Variants in GTPBP1 observed in about 807,000 individuals in gnomAD.
GTPBP1 encodes GTP binding protein 1, also known as GTP-binding protein 1.
GTPBP1 carries 23 observed loss-of-function variants against 62.0 expected under a neutral mutation model. The observed-to-expected ratio is 0.37, with a 90% CI of 0.27 to 0.53. The LOEUF (loss-of-function observed/expected upper bound fraction) is 0.53, where lower values mean the gene tolerates loss of function less well. GTPBP1 is among the 20% of genes least tolerant of loss of function. GTPBP1 has a pLI of 0.89. For synonymous variants in GTPBP1, 344 were observed against 364.4 expected (o/e 0.94, Z 0.64); for missense variants, 640 against 917.3 (o/e 0.70, Z 3.90).
At chr22:38,740,874 A>G, downstream of GTPBP1, 2 of 1,049,462 alleles carry the variant, frequency 1.9e-6, no homozygotes, top group Non-Finnish European at 2.8e-6. This position sits in a 1 kb window ranked among gnomAD's most constrained non-coding sequence, Gnocchi z 4.8. Flanking sequence ...GCTGGGTTTC[A>G]ACCCCTCCCC....
Position 38,730,828 on chromosome 22 carries a change from G to C in GTPBP1, c.*124G>C. ...CGCTCAGGCCACAGCCGGAGCCTCC[G>C]CATTGCCCCCACCCCCATTTTCCAG... is the stretch of plus-strand genomic sequence containing the variant. On this transcript the variant is annotated 3_prime_UTR_variant, in exon 12 of 12. Coordinates refer to ENST00000216044, the MANE Select transcript of GTPBP1 (RefSeq NM_004286.5). This position sits in a 1 kb window ranked among gnomAD's most constrained non-coding sequence, Gnocchi z 5.6. 1.7e-6 allele frequency: 1 copy of C among 581,764 alleles called. No individual in the cohort carries two copies. The highest frequency in any genetic ancestry group is 3.0e-6 in the Non-Finnish European group (1 of 335,468). The allele number at this position is 581,764 out of a possible 1,614,324, so 36.0% of individuals were successfully genotyped here. A position where few individuals can be genotyped will look rare whatever the true frequency, so the allele number is the denominator to read the frequency against.
downstream of GTPBP1, chr22:38,736,547 G>T: frequency 1.9e-6 from 1 of 527,468 alleles, no homozygotes; most frequent in East Asian, 3.2e-5. Context: ...TTAGCCTCCT[G>T]AGCAGTGTTT....
chr22:38,722,970 A>G (rs2092708639), intron 5 of GTPBP1: 3 of 879,160 alleles, frequency 3.4e-6, no homozygotes, highest in Non-Finnish European at 3.9e-6. Flanking sequence ...TCTTAGTGCA[A>G]GACCAGAACC....
At chr22:38,707,776 T>TA (rs1174040992) in intron 1 of GTPBP1, among the ~76,000 whole-genome samples, 9 of 151,928 alleles carry the variant, frequency 5.9e-5, no homozygotes, top group Admixed American at 5.2e-4. Context: ...TCCTTACAAT[T>TA]AAAAAAAATC....
Position 38,731,336 on chromosome 22 carries a change from C to G in GTPBP1, c.*632C>G, listed in dbSNP as rs987815849. 6.6e-6 allele frequency: 1 copy of G among 152,336 alleles called. No individual in the cohort carries two copies. The highest frequency in any genetic ancestry group is 1.5e-5 in the Non-Finnish European group (1 of 68,156). 9.4% of individuals were successfully genotyped at this position (152,336 alleles called of 1,614,324 possible). On this transcript the variant is annotated 3_prime_UTR_variant, in exon 12 of 12. Coordinates refer to ENST00000216044, the MANE Select transcript of GTPBP1 (RefSeq NM_004286.5). ...GGGAGAAAGTAGTGGCTTCCCTTTT[C>G]TCTCTCTCCTCCTTTTTCCCTTTAA...
At chr22:38,737,811 T>C (rs2092819325), downstream of GTPBP1, 2 of 464,320 alleles carry the variant, frequency 4.3e-6, no homozygotes, top group South Asian at 1.7e-5. The surrounding 1 kb of genome is among the most constrained non-coding windows in gnomAD (Gnocchi z 4.1). Context: ...ATGCACTGCC[T>C]GAGGCTCCAG....
rs2092753681 is a variant in GTPBP1 at position 38,730,737 on chromosome 22, G to A, written c.*33G>A. On this transcript the variant is annotated 3_prime_UTR_variant, in exon 12 of 12. Coordinates refer to ENST00000216044, the MANE Select transcript of GTPBP1 (RefSeq NM_004286.5). This position sits in a 1 kb window ranked among gnomAD's most constrained non-coding sequence, Gnocchi z 5.6. ...CCTGGCCCACCCTCACCACCCAAGG[G>A]GTCATCATCTCTGGCCACCACTCCA... 1 of 1,229,010 alleles carries A rather than the reference G, an allele frequency of 8.1e-7. No homozygotes were observed. The highest frequency in any genetic ancestry group is 1.2e-6 in the Non-Finnish European group (1 of 869,454). 76.1% of individuals were successfully genotyped at this position (1,229,010 alleles called of 1,614,324 possible).
downstream of GTPBP1, chr22:38,741,639 G>T: frequency 6.9e-7 from 1 of 1,453,498 alleles, no homozygotes. Flanking sequence ...TGACTAGGAA[G>T]TGGCGGAACT....
intron 2 of GTPBP1, among the ~76,000 whole-genome samples, chr22:38,710,408 C>T (rs1276647210): frequency 2.0e-5 from 3 of 152,194 alleles, no homozygotes; most frequent in Admixed American, 2.0e-4. Flanking sequence ...GAAGGATTTG[C>T]TCTCCAGATG....
downstream of GTPBP1, chr22:38,738,141 G>A (rs374339478): frequency 2.2e-5 from 36 of 1,601,742 alleles, no homozygotes; most frequent in Non-Finnish European, 2.7e-5. This position sits in a 1 kb window ranked among gnomAD's most constrained non-coding sequence, Gnocchi z 6.6. Context: ...GGGAGTCTGC[G>A]CCACTTCTGC....
At chr22:38,740,185 G>A (rs1272832870), downstream of GTPBP1, 7 of 1,435,172 alleles carry the variant, frequency 4.9e-6, no homozygotes, top group East Asian at 1.5e-4. This position sits in a 1 kb window ranked among gnomAD's most constrained non-coding sequence, Gnocchi z 4.8. Flanking sequence ...AGGGGCAAGG[G>A]GTGCTGCTTT....
chr22:38,742,354 G>A (rs754925148), downstream of GTPBP1: 6 of 1,611,846 alleles, frequency 3.7e-6, no homozygotes, highest in South Asian at 2.2e-5. Context: ...GCAGCTTCAC[G>A]GCGGCTCACT....
chr22:38,716,284 C>T lies in GTPBP1; in HGVS notation c.485+197C>T, dbSNP rs1007087606. The T allele has an allele frequency of 1.7e-6, 1 of 600,820 alleles. No homozygotes were observed. 37.2% of individuals were successfully genotyped at this position (600,820 alleles called of 1,614,324 possible). ...TTGGGAAGAGCACGAGAGAGGCCAG[C>T]CGTGCATTCTGTGGCCATTCTCTGT... On this transcript the variant is annotated intron_variant, in intron 3 of 11. Coordinates refer to ENST00000216044, the MANE Select transcript of GTPBP1 (RefSeq NM_004286.5). The surrounding 1 kb of genome is among the most constrained non-coding windows in gnomAD (Gnocchi z 5.2).
At chr22:38,738,122 G>A (rs1311666310), downstream of GTPBP1, 2 of 1,529,944 alleles carry the variant, frequency 1.3e-6, no homozygotes, top group East Asian at 4.5e-5. This position sits in a 1 kb window ranked among gnomAD's most constrained non-coding sequence, Gnocchi z 6.6. Context: ...AGCACCTGCT[G>A]CCTGGATGGG....
At chr22:38,736,288 C>T, downstream of GTPBP1, 3 of 1,613,668 alleles carry the variant, frequency 1.9e-6, no homozygotes, top group South Asian at 1.1e-5. Flanking sequence ...GCTCCCCATG[C>T]ACTCTGAAGC....
At chr22:38,710,740 G>A (rs2092633779) in intron 2 of GTPBP1, among the ~76,000 whole-genome samples, 1 of 152,150 alleles carries the variant, frequency 6.6e-6, no homozygotes, top group Non-Finnish European at 1.5e-5. Context: ...CTTAATAATT[G>A]TAGAATTTCA....
intron 2 of GTPBP1, among the ~76,000 whole-genome samples, chr22:38,712,920 TAC>T (rs1284484128): frequency 6.6e-6 from 1 of 152,248 alleles, no homozygotes; most frequent in African/African-American, 2.4e-5. Context: ...TTTTACATTT[TAC>T]AAACATTTGA....
chr22:38,739,869 C>G, downstream of GTPBP1: 4 of 1,613,512 alleles, frequency 2.5e-6, no homozygotes, highest in African/African-American at 1.3e-5. This position sits in a 1 kb window ranked among gnomAD's most constrained non-coding sequence, Gnocchi z 6.7. Flanking sequence ...TCTCCTCTCT[C>G]TGAAGGAGCC....
Position 38,708,406 on chromosome 22 carries a change from C to T in GTPBP1, c.193-439C>T, listed in dbSNP as rs1010494373. Among the ~76,000 whole-genome samples the T allele has an allele frequency of 1.6e-4, 24 of 152,300 alleles. 1 individual carries two copies. The highest frequency in any genetic ancestry group is 5.8e-4 in the African/African-American group (24 of 41,560). The stretch of plus-strand genomic sequence containing the variant: ...GATAGAACAGAATTCTTTTGTTATC[C>T]TGGAAGCCACTGGCCTGTGGGTGGA... On this transcript the variant is annotated intron_variant, in intron 1 of 11. Coordinates refer to ENST00000216044, the MANE Select transcript of GTPBP1 (RefSeq NM_004286.5).
Sources: gnomAD v4.1 joint callset for allele counts (sites outside exome capture counted in the v4.1 genomes callset) on GRCh38, gnomAD v4.1.1 for gene constraint, Gnocchi (gnomAD v3.1) non-coding constraint, MANE v1.5 for transcripts, NCBI Gene and HGNC (gene_info 2026-07-23, HGNC 2026-07-21) for gene names.